NKAIN2: variants seen among roughly 807,000 people sequenced by gnomAD.
NKAIN2 encodes the protein sodium/potassium-transporting ATPase subunit beta-1-interacting protein 2.
A neutral mutation model predicts 32.6 loss-of-function variants in NKAIN2; 14 were observed. The observed-to-expected ratio is 0.43, with a 90% confidence interval of 0.28 to 0.67. The LOEUF is 0.67. Ranked by LOEUF, NKAIN2 falls within the 30% of genes least tolerant of loss-of-function variation. The probability of loss-of-function intolerance (pLI) is 0.17; values close to 1 mark genes in which losing one functional copy is unlikely to be tolerated. For missense variants in NKAIN2, 198 were observed against 258.3 expected, an observed-to-expected ratio of 0.77 and a Z score of 1.60; for synonymous variants, 80 against 87.2, an observed-to-expected ratio of 0.92 and a Z score of 0.46.
chr6:124,585,886 G>A (rs1781695704), intron 3 of NKAIN2, among the ~76,000 whole-genome samples: 1 of 152,182 alleles, frequency 6.6e-6, no homozygotes, highest in African/African-American at 2.4e-5. Context: ...CTTTTTAAAA[G>A]TGGGTTGTGC....
Position 124,456,942 on chromosome 6 carries a change from G to C in NKAIN2, c.273+101595G>C, listed in dbSNP as rs1455843082. On this transcript the variant is annotated intron_variant, in intron 3 of 6. Coordinates refer to ENST00000368417, the MANE Select transcript of NKAIN2 (RefSeq NM_001040214.3). ...TTAATTGTTCTCATTTATTGTGGCA[G>C]TGGTGTAAGATGGGACTTTACTTGG... Among the ~76,000 whole-genome samples, 3 of 152,010 alleles carry C rather than the reference G, an allele frequency of 2.0e-5. No homozygotes were observed. In the East Asian group the frequency reaches 5.8e-4, roughly 29 times the overall value.
At chr6:124,695,171 GA>G (rs11291618) in intron 4 of NKAIN2, among the ~76,000 whole-genome samples, 25,976 of 121,674 alleles carry the variant, frequency 0.21, 2,452 homozygotes, top group East Asian at 0.38. Flanking sequence ...AGCCTACCCA[GA>G]AAAAAAAAAA....
At chr6:124,757,697 G>T (rs188691629) in intron 4 of NKAIN2, among the ~76,000 whole-genome samples, 2 of 152,300 alleles carry the variant, frequency 1.3e-5, no homozygotes, top group Non-Finnish European at 2.9e-5. Context: ...TCCCAGTGGG[G>T]TGGAGCTTCC....
Position 124,700,995 on chromosome 6 carries a change from C to T in NKAIN2, c.474+42609C>T, listed in dbSNP as rs530986050. On this transcript the variant is annotated intron_variant, in intron 4 of 6. Transcript: ENST00000368417. ...TAATTAGAACATTTTAAAATAATGC[C>T]CTAGAATTCTGAAATTTTGGAGACT... is the stretch of plus-strand genomic sequence containing the variant. 8.0e-5 allele frequency among the ~76,000 whole-genome samples: 12 copies of T among 149,930 alleles called. No individual in the cohort carries two copies. The East Asian group carries it at 2.2e-3, about 27-fold the overall frequency.
At chr6:124,451,154 AG>A (rs757800903) in intron 3 of NKAIN2, among the ~76,000 whole-genome samples, 6 of 152,142 alleles carry the variant, frequency 3.9e-5, no homozygotes, top group Non-Finnish European at 8.8e-5. Context: ...ATTCATTGAA[AG>A]AAAAGCCAAG....
chr6:124,426,211 C>G (rs1208892441), intron 3 of NKAIN2, among the ~76,000 whole-genome samples: 1 of 152,126 alleles, frequency 6.6e-6, no homozygotes, highest in Non-Finnish European at 1.5e-5. Context: ...TATGTCCCTA[C>G]TTGTGAAATG....
intron 1 of NKAIN2, among the ~76,000 whole-genome samples, chr6:123,951,141 T>C (rs572528479): frequency 6.7e-6 from 1 of 148,562 alleles, no homozygotes; most frequent in African/African-American, 2.6e-5. Flanking sequence ...ATGATTTTGA[T>C]TTTTTAAACA....
At chr6:124,547,147 A>C (rs1780122555) in intron 3 of NKAIN2, among the ~76,000 whole-genome samples, 1 of 152,220 alleles carries the variant, frequency 6.6e-6, no homozygotes, top group Non-Finnish European at 1.5e-5. Flanking sequence ...ATGTAAAGAA[A>C]AAAGTATTTT....
chr6:124,323,152 G>A (rs556329775), intron 2 of NKAIN2, among the ~76,000 whole-genome samples: 1 of 152,088 alleles, frequency 6.6e-6, no homozygotes, highest in Admixed American at 6.5e-5. Context: ...CTTTTGGATT[G>A]TTTAAATATA....
At chr6:124,395,092 T>A (rs1773320387) in intron 3 of NKAIN2, among the ~76,000 whole-genome samples, 1 of 152,188 alleles carries the variant, frequency 6.6e-6, no homozygotes, top group South Asian at 2.1e-4. Context: ...CCTCTGTATA[T>A]AATTAAAAAT....
intron 3 of NKAIN2, among the ~76,000 whole-genome samples, chr6:124,366,753 C>T (rs1018294565): frequency 3.3e-5 from 5 of 151,628 alleles, no homozygotes; most frequent in African/African-American, 1.2e-4. Flanking sequence ...ATGGTGAAAC[C>T]CCATCGCTAC....
intron 1 of NKAIN2, among the ~76,000 whole-genome samples, chr6:123,806,574 A>C (rs535173712): frequency 1.3e-5 from 2 of 152,188 alleles, no homozygotes; most frequent in East Asian, 3.9e-4. Flanking sequence ...TTTTGCTCTC[A>C]ATAGATTTTT....
rs530632945 is a variant in NKAIN2 at position 123,904,059 on chromosome 6, C to T, written c.54+99805C>T. On this transcript the variant is annotated intron_variant, in intron 1 of 6. Transcript: ENST00000368417. ...CCTGACCAACAAGAAGAAACCCCGT[C>T]TCTACTAAAAATACAAAAAAATTCA... 2.2e-4 allele frequency among the ~76,000 whole-genome samples: 33 copies of T among 152,010 alleles called. 1 individual carries two copies.
chr6:123,851,288 C>A (rs1447576217), intron 1 of NKAIN2, among the ~76,000 whole-genome samples: 1 of 112,852 alleles, frequency 8.9e-6, no homozygotes, highest in Non-Finnish European at 1.6e-5. Flanking sequence ...CTGGCTCTGT[C>A]TCTCAGGCTG....
intron 1 of NKAIN2, among the ~76,000 whole-genome samples, chr6:123,926,349 A>T (rs1776002545): frequency 6.6e-6 from 1 of 152,146 alleles, no homozygotes; most frequent in Non-Finnish European, 1.5e-5. Flanking sequence ...TGAATAATCC[A>T]CATTTACCTT....
At chr6:124,229,190 A>G (rs1792292096) in intron 1 of NKAIN2, among the ~76,000 whole-genome samples, 1 of 152,162 alleles carries the variant, frequency 6.6e-6, no homozygotes, top group Admixed American at 6.6e-5. Flanking sequence ...GATGGAGGAA[A>G]TGTACCAGAT....
chr6:124,589,972 T>C (rs1781849109), intron 3 of NKAIN2, among the ~76,000 whole-genome samples: 1 of 152,168 alleles, frequency 6.6e-6, no homozygotes, highest in African/African-American at 2.4e-5. Flanking sequence ...TCCCTCAATA[T>C]GCAGCAAAAT....
At chr6:124,015,406 T>G (rs1328106828) in intron 1 of NKAIN2, among the ~76,000 whole-genome samples, 1 of 152,208 alleles carries the variant, frequency 6.6e-6, no homozygotes, top group East Asian at 1.9e-4. Flanking sequence ...ATTTTTCTGA[T>G]AGTTTCTGTA....
chr6:123,958,048 G>A (rs1321085144), intron 1 of NKAIN2, among the ~76,000 whole-genome samples: 3 of 152,108 alleles, frequency 2.0e-5, no homozygotes, highest in African/African-American at 7.2e-5. Context: ...CATATTTGCT[G>A]CTAGTGTGTC....
Sources: allele counts gnomAD v4.1 joint callset (sites outside exome capture counted in the v4.1 genomes callset), GRCh38; gene constraint gnomAD v4.1.1; transcripts MANE v1.5; gene names NCBI Gene and HGNC (gene_info 2026-07-23, HGNC 2026-07-21).